SLC4A8: variants seen among roughly 807,000 people sequenced by gnomAD.
SLC4A8 encodes solute carrier family 4 member 8.
A neutral mutation model predicts 125.0 loss-of-function variants in SLC4A8; 40 were observed. The observed-to-expected ratio is 0.32, with a 90% CI of 0.25 to 0.42. SLC4A8 has a LOEUF of 0.42. Ranked by LOEUF, SLC4A8 falls within the 10% of genes least tolerant of loss-of-function variation. The pLI is 1.00. For missense variants in SLC4A8, 863 were observed against 1,355.1 expected, an observed-to-expected ratio of 0.64 and a Z score of 5.70; for synonymous variants, 456 against 476.0, an observed-to-expected ratio of 0.96 and a Z score of 0.55.
intron 23 of SLC4A8, among the ~76,000 whole-genome samples, chr12:51,504,879 C>T (rs541134216): frequency 1.3e-5 from 2 of 152,288 alleles, no homozygotes; most frequent in East Asian, 3.9e-4. Context: ...CATCTTGTTT[C>T]TGAATTGGAA....
chr12:51,457,783 T>C (rs531698245), intron 6 of SLC4A8, among the ~76,000 whole-genome samples: 2 of 152,258 alleles, frequency 1.3e-5, no homozygotes, highest in East Asian at 1.9e-4. Flanking sequence ...CAGGGTGGCC[T>C]CAGAACTGAT....
chr12:51,481,326 A>G (rs1054419815), intron 16 of SLC4A8, among the ~76,000 whole-genome samples: 5 of 152,126 alleles, frequency 3.3e-5, no homozygotes, highest in Non-Finnish European at 5.9e-5. Context: ...TCCATGAGCA[A>G]CTTTGCTACC....
At chr12:51,404,043 A>T (rs1162014718) in intron 1 of SLC4A8, among the ~76,000 whole-genome samples, 2 of 152,188 alleles carry the variant, frequency 1.3e-5, no homozygotes, top group East Asian at 3.9e-4. Flanking sequence ...AGGGTAGACA[A>T]GGGAAGTAGG....
At chr12:51,420,731 A>G (rs939906604), upstream of SLC4A8, among the ~76,000 whole-genome samples, 2 of 152,232 alleles carry the variant, frequency 1.3e-5, no homozygotes, top group Admixed American at 6.5e-5. Context: ...GGAAGCCACA[A>G]AGAAAGAGTG....
At chr12:51,473,948 A>G (rs1288215876) in intron 14 of SLC4A8, among the ~76,000 whole-genome samples, 1 of 152,242 alleles carries the variant, frequency 6.6e-6, no homozygotes, top group Non-Finnish European at 1.5e-5. Context: ...TTGAGAAGTA[A>G]GTGGGATATC....
At chr12:51,481,828 AGTAGTCCCAGCTACTCAG>A (rs1951037702) in intron 16 of SLC4A8, among the ~76,000 whole-genome samples, 1 of 151,764 alleles carries the variant, frequency 6.6e-6, no homozygotes, top group South Asian at 2.1e-4. Flanking sequence ...GGTGTGTGAT[AGTAGTCCCAGCTACTCAG>A]GAAGGCTGAG....
intron 1 of SLC4A8, among the ~76,000 whole-genome samples, chr12:51,439,612 A>T (rs1364085599): frequency 7.1e-6 from 1 of 140,302 alleles, no homozygotes; most frequent in Non-Finnish European, 1.6e-5. Flanking sequence ...TTCCAGAACT[A>T]AAAAAAAAAA....
chr12:51,489,595 A>G (rs999148833), intron 18 of SLC4A8, 105 bp from the exon 19 acceptor site: 7 of 1,430,830 alleles, frequency 4.9e-6, no homozygotes, highest in Non-Finnish European at 6.7e-6. Context: ...CTTCCTTCTT[A>G]TCCATACACC....
At chr12:51,396,001 G>A (rs1196622668) in intron 1 of SLC4A8, among the ~76,000 whole-genome samples, 2 of 152,214 alleles carry the variant, frequency 1.3e-5, no homozygotes, top group Non-Finnish European at 2.9e-5. Flanking sequence ...GGGAACCCAA[G>A]CAGAGCTGCT....
In SLC4A8 at chr12:51,474,404, A is replaced by G. The variant is rs762131432; in HGVS notation, c.1967A>G (p.Asn656Ser). The G allele has an allele frequency of 1.1e-5, 17 of 1,613,614 alleles. No individual in the cohort carries two copies. The Admixed American group carries it at 2.3e-4, about 22-fold the overall frequency. ...ACCCTCCAGTACTGGAAGGACCACA[A>G]CATCGTGACAGCAGAAGTCCACTGG... ...NHTLQYWKDH[N>S]IVTAEVHWAN... The change falls in exon 15 of 25, where the codon AAC (asparagine) becomes AGC (serine). Residue 656 changes from asparagine to serine, a missense_variant. Physicochemically the swap from Asn to Ser is conservative, Grantham distance 46. This residue lies in a region of SLC4A8 where 76 missense variants were observed against 80.2 expected (regional missense o/e 0.95). Coordinates refer to ENST00000453097, the MANE Select transcript of SLC4A8 (RefSeq NM_001039960.3).
rs754454029 is a variant in SLC4A8, at chr12:51,469,774, A to G, written c.1510A>G (p.Thr504Ala). 6.2e-7 allele frequency: 1 copy of G among 1,614,144 alleles called. No individual in the cohort carries two copies. The highest frequency in any genetic ancestry group is 1.1e-5 in the South Asian group (1 of 91,072). The change falls in exon 12 of 25, where the codon ACT (threonine) becomes GCT (alanine). Residue 504 changes from threonine to alanine, a missense_variant. Around this residue, in one of 6 missense-constraint regions of SLC4A8, gnomAD observed 390 missense variants for 634.4 expected, o/e 0.61. Transcript: ENST00000453097. Reference sequence around the variant, plus strand: ...CTTTGGGGGACTGCTTGGAGAAGCCACTGAGGGACGCATAGTAAGGACTTT... The same window carrying G: ...CTTTGGGGGACTGCTTGGAGAAGCCGCTGAGGGACGCATAGTAAGGACTTT... ...ITFGGLLGEA[T>A]EGRISAIESL...
chr12:51,437,746 T>C (rs1949465899), intron 1 of SLC4A8, among the ~76,000 whole-genome samples: 1 of 152,168 alleles, frequency 6.6e-6, no homozygotes, highest in South Asian at 2.1e-4. Flanking sequence ...GGATTTAATG[T>C]GCTGGAGAGT....
rs1951150235 is a variant in SLC4A8 at position 51,485,845 on chromosome 12, T to C, written c.2231T>C (p.Ile744Thr). 3 of 1,613,806 alleles carry C rather than the reference T, an allele frequency of 1.9e-6. No individual in the cohort carries two copies. The highest frequency in any genetic ancestry group is 4.5e-5 in the East Asian group (2 of 44,874). ...VFLTIFTMVIIDFLIGVPSPK... is the reference protein window; with the variant it reads ...VFLTIFTMVITDFLIGVPSPK... ...CTCACTATCTTCACAATGGTGATTA[T>C]TGATTTTTTGATTGGAGTCCCATCA... is the stretch of plus-strand genomic sequence containing the variant. Residue 744 changes from isoleucine (I) to threonine (T), a missense_variant, in exon 17 of 25, where the codon ATT (isoleucine) becomes ACT (threonine). By Grantham distance (89) the Ile-to-Thr change is moderately conservative. Coordinates refer to ENST00000453097, the MANE Select transcript of SLC4A8 (RefSeq NM_001039960.3).
chr12:51,406,516 G>A (rs375665789), intron 1 of SLC4A8, among the ~76,000 whole-genome samples: 2 of 151,968 alleles, frequency 1.3e-5, no homozygotes, highest in East Asian at 3.9e-4. Flanking sequence ...GCATGAAGAG[G>A]GGAGTGGTTA....
chr12:51,422,390 G>A (rs1269096629), upstream of SLC4A8, among the ~76,000 whole-genome samples: 2 of 151,898 alleles, frequency 1.3e-5, no homozygotes, highest in African/African-American at 4.8e-5. Flanking sequence ...ATTTTTTTGA[G>A]ACAGGGTCTC....
chr12:51,490,047 C>T, intron 19 of SLC4A8, 96 bp downstream of exon 19: 2 of 1,188,332 alleles, frequency 1.7e-6, no homozygotes, highest in South Asian at 1.4e-5. Context: ...CAAATACTTA[C>T]AAGTATAAAT....
intron 13 of SLC4A8, 37 bp from the exon 14 acceptor site, chr12:51,471,250 C>T (rs1052703483): frequency 1.3e-6 from 2 of 1,588,932 alleles, no homozygotes; most frequent in African/African-American, 2.7e-5. Context: ...TAATGCCATC[C>T]ATCCATGCGT....
chr12:51,416,711 A>G (rs567231715), intron 1 of SLC4A8, among the ~76,000 whole-genome samples: 3 of 152,194 alleles, frequency 2.0e-5, no homozygotes, highest in Non-Finnish European at 4.4e-5. Flanking sequence ...ACATTTTGTC[A>G]TATTTGCTTT....
chr12:51,449,575 T>C (rs1360086190), intron 2 of SLC4A8, among the ~76,000 whole-genome samples: 3 of 151,934 alleles, frequency 2.0e-5, no homozygotes, highest in African/African-American at 7.3e-5. Flanking sequence ...AGATCTAGAG[T>C]GCTGAGCAGC....
Sources: gnomAD v4.1 joint callset for allele counts (sites outside exome capture counted in the v4.1 genomes callset) on GRCh38, gnomAD v4.1.1 for gene constraint, gnomAD v4.1.1 regional missense constraint, MANE v1.5 for transcripts, NCBI Gene and HGNC (gene_info 2026-07-23, HGNC 2026-07-21) for gene names.